The following ZNF674 variants were observed in gnomAD, a reference collection of about 807,000 sequenced individuals.
ZNF674 encodes the protein zinc finger protein 674.
In ZNF674, 2 loss-of-function variants were observed where a neutral mutation model predicts 7.0. The ratio of observed to expected loss-of-function variants is 0.29; its 90% CI spans 0.12 to 0.90. The LOEUF is 0.90. Ranked by LOEUF, ZNF674 falls within the 40% of genes least tolerant of loss-of-function variation. The probability of loss-of-function intolerance (pLI) is 0.57; values close to 1 mark genes in which losing one functional copy is unlikely to be tolerated. For missense variants in ZNF674, 297 were observed against 415.5 expected, an observed-to-expected ratio of 0.71 and a Z score of 2.48; for synonymous variants, 103 against 145.2, an observed-to-expected ratio of 0.71 and a Z score of 2.09.
chrX:46,524,196 A>G (rs942075008), intron 5 of ZNF674, among the ~76,000 whole-genome samples: 1 of 112,193 alleles, frequency 8.9e-6, no homozygotes, highest in Non-Finnish European at 1.9e-5. Context: ...ACACTTCCCA[A>G]CTCATTTTAT....
rs1317893324 is a variant in ZNF674, at chrX:46,500,147, T to TTCTCA, written c.1422_1426dup (p.Lys476MetfsTer6). ...TCTCTGATGTTTAATCAGTGGTGACTTCTCACTAAAGGCTTTCCCACATTC... is the reference window on the plus strand; with the variant it reads ...TCTCTGATGTTTAATCAGTGGTGACTTCTCATCTCACTAAAGGCTTTCCCACATTC... On this transcript the variant is annotated frameshift_variant, in exon 6 of 6. Coordinates refer to ENST00000683375, the MANE Select transcript of ZNF674 (RefSeq NM_001190417.2). LOFTEE classifies it low-confidence loss of function (END_TRUNC). The TTCTCA allele has an allele frequency of 8.3e-7, 1 of 1,212,003 alleles. No homozygotes were observed. The highest frequency in any genetic ancestry group is 2.2e-5 in the Admixed American group (1 of 46,053).
intron 3 of ZNF674, among the ~76,000 whole-genome samples, chrX:46,532,125 G>A (rs1467290914): frequency 9.0e-6 from 1 of 111,689 alleles, no homozygotes; most frequent in Non-Finnish European, 1.9e-5. Flanking sequence ...CCGAGATCAC[G>A]CCACTGCACT....
At chrX:46,533,325 G>A (rs755985527) in intron 3 of ZNF674, among the ~76,000 whole-genome samples, 106 of 110,819 alleles carry the variant, frequency 9.6e-4, no homozygotes, top group African/African-American at 3.3e-3. Flanking sequence ...CCAAATTTTC[G>A]GAGATTGATT....
chrX:46,537,206 G>A (rs1176543809), intron 3 of ZNF674, among the ~76,000 whole-genome samples: 5 of 110,659 alleles, frequency 4.5e-5, no homozygotes, highest in Non-Finnish European at 7.6e-5. Context: ...GGGAGGTGGA[G>A]GTTGCAGTGA....
intron 5 of ZNF674, among the ~76,000 whole-genome samples, chrX:46,526,922 AAAAG>A (rs1942018884): frequency 1.8e-5 from 2 of 111,639 alleles, no homozygotes; most frequent in African/African-American, 6.5e-5. Context: ...AGTTAAGAAA[AAAAG>A]AAGCCATAAT....
chrX:46,536,321 G>C (rs960935008), intron 3 of ZNF674, among the ~76,000 whole-genome samples: 5 of 111,030 alleles, frequency 4.5e-5, no homozygotes, highest in Non-Finnish European at 9.4e-5. Flanking sequence ...GCTAGGCGCA[G>C]TGGCTCACTC....
At chrX:46,533,829 A>AATATATATAT (rs1197442802) in intron 3 of ZNF674, among the ~76,000 whole-genome samples, 6 of 65,552 alleles carry the variant, frequency 9.2e-5, no homozygotes, top group African/African-American at 5.9e-4. Context: ...AAAAAAAAAA[A>AATATATATAT]ATATATATAT....
At position 46,513,265 on chromosome X, in the gene ZNF674, A is replaced by AAAAAAC. The variant is rs1278540895; in HGVS notation, c.239-11936_239-11931dup. 1.1e-4 allele frequency among the ~76,000 whole-genome samples: 12 copies of AAAAAAC among 112,333 alleles called. No homozygotes were observed. In the East Asian group the frequency reaches 1.7e-3, roughly 16 times the overall value. On this transcript the variant is annotated intron_variant, in intron 5 of 5. Transcript: ENST00000683375. The stretch of plus-strand genomic sequence containing the variant: ...CAACGAGTGAGACTACGTCTCAAAA[A>AAAAAAC]AAAAACAAAAACAAAAACAAAAAAA...
In ZNF674 at chrX:46,528,464, A is replaced by G. The variant is rs1285119936; in HGVS notation, c.143-19T>C. On this transcript the variant is annotated intron_variant, in intron 4 of 5. Transcript: ENST00000683375. ...AGATGCCCTGTTTAGGGGACATGAC[A>G]TAGGACTTTGTTATTAATGCTGAGG... 2 of 1,195,284 alleles carry G rather than the reference A, an allele frequency of 1.7e-6. No individual in the cohort carries two copies. The highest frequency in any genetic ancestry group is 2.3e-6 in the Non-Finnish European group (2 of 880,508).
In ZNF674 at chrX:46,501,072, C is replaced by T. The variant is rs1449956576; in HGVS notation, c.502G>A (p.Gly168Arg). 3 of 1,207,831 alleles carry T rather than the reference C, an allele frequency of 2.5e-6. No individual in the cohort carries two copies. Among genetic ancestry groups the T allele is most frequent in the South Asian group, 3.5e-5 (2 of 56,420 alleles). ...CATACTTTCCAATATGCCTTACATCCATCATCTTTCTTTCTTACATAGCTT... is the reference window on the plus strand; with the variant it reads ...CATACTTTCCAATATGCCTTACATCTATCATCTTTCTTTCTTACATAGCTT... ...NRSYVRKKDD[G>R]CKAYWKVCLH... The change falls in exon 6 of 6, where the codon GGA (glycine) becomes AGA (arginine). Residue 168 changes from glycine (G) to arginine (R), a missense_variant. Gly to Arg is a moderately radical substitution (Grantham distance 125). Coordinates refer to ENST00000683375, the MANE Select transcript of ZNF674 (RefSeq NM_001190417.2).
At position 46,525,989 on chromosome X, in the gene ZNF674, T is replaced by C. The variant is rs749903265; in HGVS notation, c.238+2361A>G. Reference sequence around the variant, plus strand: ...AACATTGAGATAAAATTTAAGAAGATCTAAATAGAGATACATGCTATTCAT... The same window carrying C: ...AACATTGAGATAAAATTTAAGAAGACCTAAATAGAGATACATGCTATTCAT... On this transcript the variant is annotated intron_variant, in intron 5 of 5. Coordinates refer to ENST00000683375, the MANE Select transcript of ZNF674 (RefSeq NM_001190417.2). Among the ~76,000 whole-genome samples the C allele has an allele frequency of 4.5e-5, 5 of 112,085 alleles. No homozygotes were observed. The East Asian group carries it at 1.4e-3, about 31-fold the overall frequency.
chrX:46,545,399 G>A lies in ZNF674; in HGVS notation c.-169C>T, dbSNP rs1161600906. The A allele has an allele frequency of 8.9e-6, 1 of 112,790 alleles. No homozygotes were observed. Among genetic ancestry groups the A allele is most frequent in the Non-Finnish European group, 1.9e-5 (1 of 53,309 alleles). The allele number at this position is 112,790 out of a possible 1,213,427, so 9.3% of individuals were successfully genotyped here. The stretch of plus-strand genomic sequence containing the variant: ...ACTGCCGACAGCCTGAAACCTCAGG[G>A]GCGGATGACAACAGCCAGTGTGAAC... On this transcript the variant is annotated 5_prime_UTR_variant, in exon 1 of 6. Transcript: ENST00000683375.
At chrX:46,529,129 G>A in intron 3 of ZNF674, 1 of 600,769 alleles carries the variant, frequency 1.7e-6, no homozygotes, top group Non-Finnish European at 2.5e-6. Context: ...CAGGAATGAG[G>A]GATTCGAATC....
At chrX:46,507,671 G>C (rs1437627072) in intron 5 of ZNF674, among the ~76,000 whole-genome samples, 2 of 111,583 alleles carry the variant, frequency 1.8e-5, no homozygotes, top group East Asian at 2.8e-4. Context: ...AGTACTGATG[G>C]AAAACAAATT....
chrX:46,513,260 C>CA (rs1417175571), intron 5 of ZNF674, among the ~76,000 whole-genome samples: 78 of 93,412 alleles, frequency 8.4e-4, no homozygotes, highest in Non-Finnish European at 1.2e-3. Context: ...GACTACGTCT[C>CA]AAAAAAAAAA....
intron 5 of ZNF674, among the ~76,000 whole-genome samples, chrX:46,527,092 C>T (rs1431461913): frequency 9.0e-6 from 1 of 110,505 alleles, no homozygotes; most frequent in Non-Finnish European, 1.9e-5. Context: ...GGCAAAACCT[C>T]GTCTCTACTA....
rs1298343605 is a variant in ZNF674 at position 46,497,890 on chromosome X, T to A, written c.*1953A>T. ...CTACACAGATATACCTAACTTTTTG[T>A]TCCATGTGTTTATCTATACACACAC... is the stretch of plus-strand genomic sequence containing the variant. On this transcript the variant is annotated 3_prime_UTR_variant, in exon 6 of 6. Transcript: ENST00000683375. The A allele has an allele frequency of 1.0e-5, 1 of 100,281 alleles. No homozygotes were observed. The highest frequency in any genetic ancestry group is 3.0e-4 in the East Asian group (1 of 3,388). 8.3% of individuals were successfully genotyped at this position (100,281 alleles called of 1,213,427 possible).
intron 5 of ZNF674, among the ~76,000 whole-genome samples, chrX:46,512,100 C>T (rs893106481): frequency 1.8e-5 from 2 of 111,140 alleles, no homozygotes; most frequent in African/African-American, 6.5e-5. Context: ...GTGGCTCACG[C>T]CTGTAATCCC....
chrX:46,514,450 T>C (rs1182418644), intron 5 of ZNF674, among the ~76,000 whole-genome samples: 1 of 111,278 alleles, frequency 9.0e-6, no homozygotes, highest in Non-Finnish European at 1.9e-5. Context: ...GCTGGGTTAC[T>C]TTAGAAAGAG....
Sources: allele counts gnomAD v4.1 joint callset (sites outside exome capture counted in the v4.1 genomes callset), GRCh38; gene constraint gnomAD v4.1.1; transcripts MANE v1.5; gene names NCBI Gene and HGNC (gene_info 2026-07-23, HGNC 2026-07-21).